The following CELF5 variants were observed in gnomAD, a reference collection of about 807,000 sequenced individuals.
CELF5 encodes the protein CUGBP Elav-like family member 5.
CELF5 carries 6 observed loss-of-function variants against 54.9 expected under a neutral mutation model. The ratio of observed to expected loss-of-function variants is 0.11; its 90% CI spans 0.06 to 0.22. The LOEUF is 0.22. Among genes scored for constraint, CELF5 ranks in the 10% least tolerant of loss-of-function variants. The probability of loss-of-function intolerance (pLI) is 1.00; values close to 1 mark genes in which losing one functional copy is unlikely to be tolerated. For synonymous variants in CELF5, 271 were observed against 290.9 expected, an observed-to-expected ratio of 0.93 and a Z score of 0.70; for missense variants, 401 against 678.6, an observed-to-expected ratio of 0.59 and a Z score of 4.54.
At chr19:3,248,845 TCTTTCTTTCTTCCTTCCTTC>T (rs1261430825) in intron 1 of CELF5, among the ~76,000 whole-genome samples, 1 of 138,056 alleles carries the variant, frequency 7.2e-6, no homozygotes, top group African/African-American at 2.7e-5. Flanking sequence ...CAAACTTTTT[TCTTTCTTTCTTCCTTCCTTC>T]CTTCCTTCCT....
At chr19:3,247,358 C>T (rs1402975501) in intron 1 of CELF5, among the ~76,000 whole-genome samples, 1 of 151,840 alleles carries the variant, frequency 6.6e-6, no homozygotes, top group Non-Finnish European at 1.5e-5. Flanking sequence ...GATCTCCTGA[C>T]CTCGTGATCC....
In CELF5 at chr19:3,272,668, G is replaced by A. The variant is rs529292353; in HGVS notation, c.343-1204G>A. Among the ~76,000 whole-genome samples, 123 of 152,314 alleles carry A rather than the reference G, an allele frequency of 8.1e-4. 1 individual carries two copies. The highest frequency in any genetic ancestry group is 2.6e-3 in the African/African-American group (109 of 41,566). Reference sequence around the variant, plus strand: ...GTCCTTCCCCATGTGGGGAGATGCCGTGGTTCCCTGTCTGGAGAGAGACAG... The same window carrying A: ...GTCCTTCCCCATGTGGGGAGATGCCATGGTTCCCTGTCTGGAGAGAGACAG... On this transcript the variant is annotated intron_variant, in intron 2 of 12. Transcript: ENST00000292672.
chr19:3,247,960 T>C (rs1250720444), intron 1 of CELF5, among the ~76,000 whole-genome samples: 1 of 151,916 alleles, frequency 6.6e-6, no homozygotes, highest in Non-Finnish European at 1.5e-5. Flanking sequence ...AGATGGAGTT[T>C]CGCCTTTTGG....
intron 1 of CELF5, among the ~76,000 whole-genome samples, chr19:3,232,491 C>G (rs1047030802): frequency 6.6e-6 from 1 of 151,948 alleles, no homozygotes; most frequent in Non-Finnish European, 1.5e-5. Flanking sequence ...TTACAGTGAA[C>G]TATGATCGCA....
chr19:3,239,221 C>T lies in CELF5; in HGVS notation c.260-11764C>T, dbSNP rs560039615. On this transcript the variant is annotated intron_variant, in intron 1 of 12. Transcript: ENST00000292672. The stretch of plus-strand genomic sequence containing the variant: ...CTCAAGGGATCCTCCCGCCTCAGCC[C>T]GTTTAGTAGCTGGAACTACAGGTGT... Among the ~76,000 whole-genome samples the T allele has an allele frequency of 3.5e-3, 535 of 151,210 alleles. 3 individuals carry two copies. The highest frequency in any genetic ancestry group is 0.013 in the African/African-American group (517 of 41,152).
chr19:3,276,969 C>A (rs2080066395), intron 4 of CELF5, among the ~76,000 whole-genome samples: 1 of 152,118 alleles, frequency 6.6e-6, no homozygotes, highest in Non-Finnish European at 1.5e-5. Flanking sequence ...ACTGTTTCCT[C>A]CTGGTTCTGT....
At position 3,282,087 on chromosome 19, in the gene CELF5, G is replaced by T. The variant is rs758370192; in HGVS notation, c.751-39G>T. ...TCCCCTCATAAGCCATGATCTCAGG[G>T]CAGATATCACCCCAACTGTGACATG... On this transcript the variant is annotated intron_variant, in intron 6 of 12. Coordinates refer to ENST00000292672, the MANE Select transcript of CELF5 (RefSeq NM_021938.4). The surrounding 1 kb of genome is among the most constrained non-coding windows in gnomAD (Gnocchi z 5.2). The T allele has an allele frequency of 1.9e-6, 3 of 1,612,466 alleles. No homozygotes were observed. The South Asian group carries it at 3.3e-5, about 18-fold the overall frequency.
At chr19:3,270,933 G>A (rs2079952172) in intron 2 of CELF5, among the ~76,000 whole-genome samples, 1 of 152,004 alleles carries the variant, frequency 6.6e-6, no homozygotes, top group African/African-American at 2.4e-5. Flanking sequence ...GAACAAGGTG[G>A]GGGTGGAGGG....
chr19:3,291,929 A>G (rs2080356151), intron 11 of CELF5, among the ~76,000 whole-genome samples: 2 of 103,158 alleles, frequency 1.9e-5, no homozygotes, highest in Admixed American at 1.7e-4. Context: ...GTAGAACCAG[A>G]CTCTTTTTTT....
chr19:3,290,795 T>A (rs1480854683), intron 11 of CELF5, among the ~76,000 whole-genome samples: 1 of 150,694 alleles, frequency 6.6e-6, no homozygotes, highest in East Asian at 2.0e-4. Flanking sequence ...CTCCATCTCC[T>A]GACCTCGTGA....
intron 1 of CELF5, among the ~76,000 whole-genome samples, chr19:3,236,091 G>A (rs1256278978): frequency 6.6e-6 from 1 of 152,156 alleles, no homozygotes; most frequent in Non-Finnish European, 1.5e-5. Context: ...CAGCAGGGCT[G>A]GACCTCATTT....
Position 3,252,609 on chromosome 19 carries a change from C to A in CELF5, c.342+1542C>A, listed in dbSNP as rs1351578077. ...TCGTGCTTGGCTGACTGTAGGAAAT[C>A]TGACGTGCGCCTTCCAGGGACCCGA... On this transcript the variant is annotated intron_variant, in intron 2 of 12. Transcript: ENST00000292672. 2.0e-5 allele frequency among the ~76,000 whole-genome samples: 3 copies of A among 152,138 alleles called. No individual in the cohort carries two copies. In the South Asian group the frequency reaches 6.2e-4, roughly 31 times the overall value.
intron 2 of CELF5, among the ~76,000 whole-genome samples, chr19:3,267,238 C>G (rs1249684040): frequency 6.6e-6 from 1 of 152,018 alleles, no homozygotes; most frequent in African/African-American, 2.4e-5. Flanking sequence ...GGGAGCCCCC[C>G]CCACCAACCG....
chr19:3,252,642 G>A (rs2079667434), intron 2 of CELF5, among the ~76,000 whole-genome samples: 1 of 152,116 alleles, frequency 6.6e-6, no homozygotes, highest in Non-Finnish European at 1.5e-5. Flanking sequence ...CGAGGTCATG[G>A]CATGAGTTTG....
chr19:3,256,601 C>T (rs2079731234), intron 2 of CELF5, among the ~76,000 whole-genome samples: 1 of 151,018 alleles, frequency 6.6e-6, no homozygotes, highest in Non-Finnish European at 1.5e-5. Flanking sequence ...CGGAGCCTAA[C>T]TCTGTCGCCC....
chr19:3,237,546 C>G (rs925174629), intron 1 of CELF5, among the ~76,000 whole-genome samples: 4 of 151,966 alleles, frequency 2.6e-5, no homozygotes, highest in Admixed American at 1.3e-4. Flanking sequence ...ACTGTCGTGG[C>G]GCGGGTGGGA....
intron 2 of CELF5, among the ~76,000 whole-genome samples, chr19:3,258,165 C>G (rs1470954436): frequency 6.6e-6 from 1 of 151,774 alleles, no homozygotes; most frequent in African/African-American, 2.4e-5. Flanking sequence ...ACCATGTTGG[C>G]CAGACTGGTC....
At chr19:3,261,996 C>G (rs114063496) in intron 2 of CELF5, among the ~76,000 whole-genome samples, 1 of 151,882 alleles carries the variant, frequency 6.6e-6, no homozygotes, top group Non-Finnish European at 1.5e-5. Context: ...TGAATTGGGA[C>G]GAGTGTACTC....
chr19:3,276,923 T>C lies in CELF5; in HGVS notation c.523+939T>C, dbSNP rs1291968551. Among the ~76,000 whole-genome samples the C allele has an allele frequency of 5.9e-5, 9 of 152,032 alleles. No individual in the cohort carries two copies. In the East Asian group the frequency reaches 1.2e-3, roughly 20 times the overall value. Reference sequence around the variant, plus strand: ...TCCACGGACAGAGTTACCTGTGCCCTGTGGTCTCAGATTCCTCCACCTGAC... The same window carrying C: ...TCCACGGACAGAGTTACCTGTGCCCCGTGGTCTCAGATTCCTCCACCTGAC... On this transcript the variant is annotated intron_variant, in intron 4 of 12. Transcript: ENST00000292672.
Sources: gnomAD v4.1 joint callset for allele counts (sites outside exome capture counted in the v4.1 genomes callset) on GRCh38, gnomAD v4.1.1 for gene constraint, Gnocchi (gnomAD v3.1) non-coding constraint, MANE v1.5 for transcripts, NCBI Gene and HGNC (gene_info 2026-07-23, HGNC 2026-07-21) for gene names.